Variants in GPR139 observed in about 807,000 individuals in gnomAD.
GPR139 encodes probable G protein-coupled receptor 139.
A neutral mutation model predicts 25.8 loss-of-function variants in GPR139; 12 were observed. That is an observed-to-expected ratio of 0.47 (90% confidence interval 0.30 to 0.75). GPR139 has a LOEUF of 0.75. Ranked by LOEUF, GPR139 falls within the 30% of genes least tolerant of loss-of-function variation. GPR139 has a pLI of 0.07. For missense variants in GPR139, 380 were observed against 450.2 expected (o/e 0.84, Z 1.41); for synonymous variants, 184 against 179.9 (o/e 1.02, Z -0.18).
chr16:20,040,557 C>A (rs1387986553), intron 1 of GPR139, among the ~76,000 whole-genome samples: 1 of 152,096 alleles, frequency 6.6e-6, no homozygotes, highest in African/African-American at 2.4e-5. Flanking sequence ...ATTTTTGTTA[C>A]TACAAGCTTC....
intron 1 of GPR139, among the ~76,000 whole-genome samples, chr16:20,034,989 T>C (rs1359193919): frequency 2.6e-5 from 4 of 152,208 alleles, no homozygotes; most frequent in African/African-American, 7.2e-5. Flanking sequence ...TGAAAATTTC[T>C]CTGGGGTAAT....
At chr16:20,058,899 C>G (rs1348078201) in intron 1 of GPR139, among the ~76,000 whole-genome samples, 3 of 152,208 alleles carry the variant, frequency 2.0e-5, no homozygotes, top group Non-Finnish European at 2.9e-5. Flanking sequence ...GGATCACTCT[C>G]CACTGTGCCG....
Position 20,032,239 on chromosome 16 carries a change from G to T in GPR139, c.558C>A (p.Ile186=). 1.2e-6 allele frequency: 2 copies of T among 1,614,186 alleles called. No individual in the cohort carries two copies. The highest frequency in any genetic ancestry group is 4.5e-5 in the East Asian group (2 of 44,884). The change falls in exon 2 of 2, where the codon ATC becomes ATA. Residue 186 remains isoleucine, a synonymous_variant. Coordinates refer to ENST00000570682, the MANE Select transcript of GPR139 (RefSeq NM_001002911.4). ...GCACCAGGTAGACGGTGAAGCAGTG[G>T]ATCCAGATGAGGACGTGATGCACAG... is the stretch of plus-strand genomic sequence containing the variant. The part of the protein sequence containing the change: ...STSVHHVLIW[I]HCFTVYLVPC...
intron 1 of GPR139, among the ~76,000 whole-genome samples, chr16:20,044,994 ATTTTTTTTTTT>A (rs10581585): frequency 5.8e-5 from 5 of 86,302 alleles, no homozygotes; most frequent in South Asian, 4.5e-4. Context: ...CACTTGCACT[ATTTTTTTTTTT>A]TTTTTTTTTT....
At chr16:20,053,860 T>C (rs923232593) in intron 1 of GPR139, among the ~76,000 whole-genome samples, 5 of 151,956 alleles carry the variant, frequency 3.3e-5, no homozygotes, top group African/African-American at 1.2e-4. Context: ...TAGATTGTAA[T>C]AGATTTCAGA....
chr16:20,029,618 CAGAG>C lies in GPR139; in HGVS notation c.*2113_*2116del, dbSNP rs529604481. ...TTACACGTGCTTGGCAAAAAAGAGA[CAGAG>C]AGAAATGCAATTTAAGGGAGGTGAG... On this transcript the variant is annotated 3_prime_UTR_variant, in exon 2 of 2. Transcript: ENST00000570682. 1.2e-3 allele frequency among the ~76,000 whole-genome samples: 183 copies of C among 152,084 alleles called. No individual in the cohort carries two copies. Among genetic ancestry groups the C allele is most frequent in the African/African-American group, 4.1e-3 (172 of 41,486 alleles).
chr16:20,039,829 A>C (rs1273863842), intron 1 of GPR139, among the ~76,000 whole-genome samples: 1 of 152,200 alleles, frequency 6.6e-6, no homozygotes, highest in Non-Finnish European at 1.5e-5. Context: ...CTTATAGGTG[A>C]ACCCTTGTGT....
At chr16:20,039,353 G>C (rs944669040) in intron 1 of GPR139, among the ~76,000 whole-genome samples, 3 of 152,182 alleles carry the variant, frequency 2.0e-5, no homozygotes, top group African/African-American at 7.2e-5. Flanking sequence ...GTCTCTGCAG[G>C]TTCCTTGGAA....
chr16:20,047,108 G>GT (rs2057356722), intron 1 of GPR139, among the ~76,000 whole-genome samples: 1 of 22,350 alleles, frequency 4.5e-5, no homozygotes, highest in Non-Finnish European at 1.0e-4. Flanking sequence ...TCTTCTTAGG[G>GT]ATTTTTTTTT....
At chr16:20,072,057 G>C (rs927234799) in intron 1 of GPR139, among the ~76,000 whole-genome samples, 1 of 152,162 alleles carries the variant, frequency 6.6e-6, no homozygotes, top group Non-Finnish European at 1.5e-5. Context: ...GAGAAGCTCC[G>C]AAGGGCTGAA....
rs1250627112 is a variant in GPR139, at chr16:20,073,017, T to C, written c.127+473A>G. Among the ~76,000 whole-genome samples the C allele has an allele frequency of 2.0e-5, 3 of 152,050 alleles. No individual in the cohort carries two copies. Among genetic ancestry groups the C allele is most frequent in the African/African-American group, 4.8e-5 (2 of 41,402 alleles). Reference sequence around the variant, plus strand: ...TGTCAGGGTCTCCAGCTTCATCTCGTGTCAGGCGGGGACACGCAGAGGGGC... The same window carrying C: ...TGTCAGGGTCTCCAGCTTCATCTCGCGTCAGGCGGGGACACGCAGAGGGGC... On this transcript the variant is annotated intron_variant, in intron 1 of 1. Coordinates refer to ENST00000570682, the MANE Select transcript of GPR139 (RefSeq NM_001002911.4). This position sits in a 1 kb window ranked among gnomAD's most constrained non-coding sequence, Gnocchi z 4.7.
intron 1 of GPR139, among the ~76,000 whole-genome samples, chr16:20,061,363 G>GTGGA (rs1270787470): frequency 2.6e-5 from 4 of 151,084 alleles, no homozygotes; most frequent in East Asian, 2.0e-4. Context: ...GAATCAATGG[G>GTGGA]TGGATGGATG....
At chr16:20,069,511 A>G (rs1325306108) in intron 1 of GPR139, among the ~76,000 whole-genome samples, 5 of 152,092 alleles carry the variant, frequency 3.3e-5, no homozygotes, top group Non-Finnish European at 7.4e-5. Context: ...AGGCTTATTT[A>G]CTATCTGCCA....
rs1182619801 is a variant in GPR139 at position 20,073,428 on chromosome 16, T to C, written c.127+62A>G. 6.3e-7 allele frequency: 1 copy of C among 1,580,330 alleles called. No homozygotes were observed. Among genetic ancestry groups the C allele is most frequent in the Non-Finnish European group, 8.6e-7 (1 of 1,163,504 alleles). On this transcript the variant is annotated intron_variant, in intron 1 of 1. Coordinates refer to ENST00000570682, the MANE Select transcript of GPR139 (RefSeq NM_001002911.4). The surrounding 1 kb of genome is among the most constrained non-coding windows in gnomAD (Gnocchi z 4.7). ...ACGCACGGGGGAGGACGGGGGATTC[T>C]GGGTAGGGTTGCCCGGCACTTGGGG...
intron 1 of GPR139, among the ~76,000 whole-genome samples, chr16:20,043,116 G>T (rs574907989): frequency 9.8e-4 from 149 of 152,364 alleles, no homozygotes; most frequent in Non-Finnish European, 1.2e-3. Context: ...CAAGAGATAA[G>T]ATGGCTGCTA....
intron 1 of GPR139, among the ~76,000 whole-genome samples, chr16:20,045,381 G>T (rs1163799340): frequency 6.6e-6 from 1 of 152,068 alleles, no homozygotes; most frequent in African/African-American, 2.4e-5. Context: ...GAACACTGAG[G>T]TTCAGTGAGG....
intron 1 of GPR139, among the ~76,000 whole-genome samples, chr16:20,064,809 A>G (rs1447018469): frequency 6.6e-6 from 1 of 152,254 alleles, no homozygotes; most frequent in Non-Finnish European, 1.5e-5. Context: ...TCTGAGGAGT[A>G]CAGAGCCTAC....
chr16:20,041,570 A>T (rs1012927129), intron 1 of GPR139, among the ~76,000 whole-genome samples: 10 of 151,992 alleles, frequency 6.6e-5, no homozygotes, highest in African/African-American at 1.4e-4. Context: ...AGGAAGGGTA[A>T]ATAAAAAGAT....
intron 1 of GPR139, chr16:20,070,989 C>A (rs2057457648): frequency 1.0e-6 from 1 of 985,352 alleles, no homozygotes; most frequent in Non-Finnish European, 1.2e-6. Context: ...GCAAGCAGAC[C>A]GCCCTCCTTA....
Sources: allele counts gnomAD v4.1 joint callset (sites outside exome capture counted in the v4.1 genomes callset), GRCh38; gene constraint gnomAD v4.1.1; non-coding constraint Gnocchi (gnomAD v3.1); transcripts MANE v1.5; gene names NCBI Gene and HGNC (gene_info 2026-07-23, HGNC 2026-07-21).